PABPC4L: variants seen among roughly 807,000 people sequenced by gnomAD.
PABPC4L encodes the protein polyadenylate-binding protein 4-like.
For synonymous variants in PABPC4L, 169 were observed against 164.1 expected, an observed-to-expected ratio of 1.03 and a Z score of -0.23; for missense variants, 452 against 451.4, an observed-to-expected ratio of 1.00 and a Z score of -0.01.
the PABPC4L span, among the ~76,000 whole-genome samples, chr4:134,098,535 A>G: frequency 0.83 from 125,140 of 151,664 alleles, 52,147 homozygotes; most frequent in East Asian, 1. Context: ...AACTTGTTAT[A>G]TTTGAGTTAC....
At chr4:133,986,606 A>G in the PABPC4L span, among the ~76,000 whole-genome samples, 6 of 152,206 alleles carry the variant, frequency 3.9e-5, no homozygotes, top group African/African-American at 1.2e-4. Flanking sequence ...TCAACATACT[A>G]ATAGACCAAT....
the PABPC4L span, among the ~76,000 whole-genome samples, chr4:134,112,655 A>G: frequency 6.6e-6 from 1 of 151,782 alleles, no homozygotes; most frequent in South Asian, 2.1e-4. Flanking sequence ...CTACATCTAT[A>G]CATATATGCA....
chr4:134,013,760 C>T, the PABPC4L span, among the ~76,000 whole-genome samples: 3 of 152,026 alleles, frequency 2.0e-5, no homozygotes, highest in Non-Finnish European at 4.4e-5. Context: ...CCCTCAGTCC[C>T]AACCCCAAGT....
At chr4:134,186,156 T>A in the PABPC4L span, among the ~76,000 whole-genome samples, 3 of 152,142 alleles carry the variant, frequency 2.0e-5, no homozygotes, top group Admixed American at 6.6e-5. Flanking sequence ...AAGCTACCAA[T>A]GACTTTCTTC....
At chr4:134,018,123 C>T in the PABPC4L span, among the ~76,000 whole-genome samples, 33 of 152,062 alleles carry the variant, frequency 2.2e-4, 1 homozygote, top group African/African-American at 6.7e-4. Flanking sequence ...GACATTGTCT[C>T]ATGAAATTCC....
chr4:134,046,255 A>G, the PABPC4L span, among the ~76,000 whole-genome samples: 42 of 152,192 alleles, frequency 2.8e-4, no homozygotes, highest in East Asian at 5.8e-3. Flanking sequence ...ACATGTGAGC[A>G]AAGGAATCTG....
the PABPC4L span, among the ~76,000 whole-genome samples, chr4:134,131,415 A>C: frequency 1.3e-5 from 2 of 151,994 alleles, no homozygotes; most frequent in Admixed American, 1.3e-4. Context: ...CAAGCTGAGA[A>C]TCAAATGAAG....
At chr4:134,141,406 T>G in the PABPC4L span, among the ~76,000 whole-genome samples, 4 of 151,192 alleles carry the variant, frequency 2.6e-5, no homozygotes, top group Non-Finnish European at 5.9e-5. Flanking sequence ...TTCATCACCT[T>G]GATGAGCTAT....
the PABPC4L span, among the ~76,000 whole-genome samples, chr4:133,978,549 G>A: frequency 6.6e-6 from 1 of 151,236 alleles, no homozygotes; most frequent in East Asian, 1.9e-4. Context: ...CCGGGAGGTG[G>A]AGGCTGTGTG....
chr4:134,189,894 C>T, the PABPC4L span, among the ~76,000 whole-genome samples: 1 of 152,098 alleles, frequency 6.6e-6, no homozygotes, highest in African/African-American at 2.4e-5. Flanking sequence ...AAAATAGTTT[C>T]TCTTGAGGGT....
At chr4:134,155,412 T>TCACACA in the PABPC4L span, among the ~76,000 whole-genome samples, 18,740 of 146,688 alleles carry the variant, frequency 0.13, 1,495 homozygotes, top group East Asian at 0.41. Flanking sequence ...CTCTCCCAGT[T>TCACACA]CACACACACA....
chr4:134,035,346 G>T, the PABPC4L span, among the ~76,000 whole-genome samples: 4 of 151,916 alleles, frequency 2.6e-5, no homozygotes, highest in African/African-American at 7.2e-5. Context: ...ATGTCTCTGA[G>T]ATATGCCTCC....
At chr4:134,104,066 A>G in the PABPC4L span, among the ~76,000 whole-genome samples, 4 of 151,764 alleles carry the variant, frequency 2.6e-5, no homozygotes, top group Non-Finnish European at 5.9e-5. Context: ...TCAAAAATAC[A>G]CTAAAAGTTT....
rs1244304346 is a variant in PABPC4L, at chr4:134,200,242, T to C, written c.778A>G (p.Ile260Val). 6 of 1,553,052 alleles carry C rather than the reference T, an allele frequency of 3.9e-6. No individual in the cohort carries two copies. In the Admixed American group the frequency reaches 1.2e-4, roughly 30 times the overall value. ...MNGRDINGQL[I>V]FVGRAQKKVE... ...TTCTTTTGAGCCCGGCCTACAAAAATCAGCTGCCCATTTATGTCCCTTCCA... is the reference window on the plus strand; with the variant it reads ...TTCTTTTGAGCCCGGCCTACAAAAACCAGCTGCCCATTTATGTCCCTTCCA... The change falls in exon 2 of 2, where the codon ATT becomes GTT. Residue 260 changes from isoleucine (I) to valine (V), a missense_variant. Physicochemically the swap from Ile to Val is conservative, Grantham distance 29 (BLOSUM62 3). Transcript: ENST00000421491.
chr4:134,147,220 C>T, the PABPC4L span, among the ~76,000 whole-genome samples: 47 of 152,098 alleles, frequency 3.1e-4, no homozygotes, highest in Admixed American at 2.9e-3. Context: ...TTTTTAATCA[C>T]ATGTTGGCCA....
the PABPC4L span, among the ~76,000 whole-genome samples, chr4:134,187,473 C>T: frequency 7.1e-6 from 1 of 140,100 alleles, no homozygotes; most frequent in Non-Finnish European, 1.5e-5. Context: ...TGTTCTCACT[C>T]ATAGGTGGGA....
At chr4:133,953,617 C>T in the PABPC4L span, among the ~76,000 whole-genome samples, 5 of 152,254 alleles carry the variant, frequency 3.3e-5, no homozygotes, top group Admixed American at 1.3e-4. Flanking sequence ...CAAGACATTT[C>T]GTGTCCTAGA....
At chr4:134,087,765 G>A in the PABPC4L span, among the ~76,000 whole-genome samples, 6 of 152,072 alleles carry the variant, frequency 3.9e-5, no homozygotes, top group Non-Finnish European at 8.8e-5. Flanking sequence ...TCTACTCTCA[G>A]CACTTTCTCA....
the PABPC4L span, among the ~76,000 whole-genome samples, chr4:133,974,849 A>G: frequency 6.6e-6 from 1 of 152,150 alleles, no homozygotes; most frequent in East Asian, 1.9e-4. Context: ...GAAAATTATA[A>G]GTATTAGCAA....
Sources: allele counts gnomAD v4.1 joint callset (sites outside exome capture counted in the v4.1 genomes callset), GRCh38; gene constraint gnomAD v4.1.1; transcripts MANE v1.5; gene names NCBI Gene and HGNC (gene_info 2026-07-23, HGNC 2026-07-21).